SCHIP1: variants seen among roughly 807,000 people sequenced by gnomAD.
The protein encoded by SCHIP1 is schwannomin interacting protein 1.
SCHIP1 carries 8 observed loss-of-function variants against 29.7 expected under a neutral mutation model. That is an observed-to-expected ratio of 0.27 (90% CI 0.16 to 0.49). SCHIP1 has a LOEUF of 0.49. SCHIP1 is among the 20% of genes least tolerant of loss of function. The pLI is 0.99. For missense variants in SCHIP1, 193 were observed against 294.6 expected (o/e 0.66, Z 2.52); for synonymous variants, 76 against 94.9 (o/e 0.80, Z 1.16).
chr3:159,784,023 A>T, the SCHIP1 span, among the ~76,000 whole-genome samples: 15 of 152,318 alleles, frequency 9.8e-5, no homozygotes, highest in African/African-American at 3.1e-4. Flanking sequence ...AGGTCCAAGG[A>T]GGTTAGAGAA....
the SCHIP1 span, chr3:159,764,174 G>T: frequency 2.1e-4 from 87 of 423,126 alleles, no homozygotes; most frequent in Middle Eastern, 6.1e-4. This position sits in a 1 kb window ranked among gnomAD's most constrained non-coding sequence, Gnocchi z 6.1. Flanking sequence ...GGGGCCCCTT[G>T]TATGAAAAGT....
At chr3:159,796,540 G>C in the SCHIP1 span, among the ~76,000 whole-genome samples, 3 of 152,162 alleles carry the variant, frequency 2.0e-5, no homozygotes, top group Non-Finnish European at 4.4e-5. Context: ...AGCGTGACTG[G>C]AGCAATGACA....
At chr3:159,738,491 CTTG>C in the SCHIP1 span, among the ~76,000 whole-genome samples, 2 of 152,112 alleles carry the variant, frequency 1.3e-5, no homozygotes, top group Non-Finnish European at 2.9e-5. Flanking sequence ...CACTGTGGGA[CTTG>C]TTATTTTTAG....
At chr3:159,416,908 C>T in the SCHIP1 span, among the ~76,000 whole-genome samples, 3 of 152,162 alleles carry the variant, frequency 2.0e-5, no homozygotes, top group Admixed American at 6.5e-5. Context: ...TCTGTTGCTC[C>T]GTCAAGGGAA....
the SCHIP1 span, among the ~76,000 whole-genome samples, chr3:159,385,864 G>T: frequency 6.6e-6 from 1 of 151,768 alleles, no homozygotes; most frequent in Non-Finnish European, 1.5e-5. Context: ...TCCCCTGACA[G>T]GCCCCGGTGT....
At chr3:159,415,852 A>G in the SCHIP1 span, among the ~76,000 whole-genome samples, 1 of 152,220 alleles carries the variant, frequency 6.6e-6, no homozygotes, top group Non-Finnish European at 1.5e-5. Flanking sequence ...CAATATTGTT[A>G]TTACTAATTT....
At chr3:159,658,455 C>G in the SCHIP1 span, among the ~76,000 whole-genome samples, 1 of 152,136 alleles carries the variant, frequency 6.6e-6, no homozygotes, top group South Asian at 2.1e-4. Context: ...TATTAAAGTT[C>G]GAGAACCTGA....
the SCHIP1 span, among the ~76,000 whole-genome samples, chr3:159,515,930 T>C: frequency 1.3e-5 from 2 of 150,406 alleles, no homozygotes; most frequent in African/African-American, 4.9e-5. Context: ...GAAAAATACA[T>C]AGTATTTGTA....
the SCHIP1 span, chr3:159,274,007 A>T: frequency 2.6e-5 from 39 of 1,496,218 alleles, no homozygotes; most frequent in Non-Finnish European, 3.1e-5. Flanking sequence ...TTACATTTTT[A>T]AATTCAGAAT....
chr3:159,554,021 T>G, the SCHIP1 span, among the ~76,000 whole-genome samples: 2 of 74,044 alleles, frequency 2.7e-5, no homozygotes, highest in Non-Finnish European at 5.3e-5. Flanking sequence ...TGTGTGTGTT[T>G]GTGTATGTGT....
At chr3:159,454,939 A>G in the SCHIP1 span, among the ~76,000 whole-genome samples, 2 of 152,230 alleles carry the variant, frequency 1.3e-5, no homozygotes, top group Admixed American at 6.5e-5. Flanking sequence ...ATAGATCACT[A>G]TTTAGAAAAT....
chr3:159,594,150 T>G, the SCHIP1 span, among the ~76,000 whole-genome samples: 1 of 152,226 alleles, frequency 6.6e-6, no homozygotes. Flanking sequence ...TGTCAAAGTA[T>G]GGCTAGATCA....
At chr3:159,858,859 T>C (rs972828537) in intron 1 of SCHIP1, among the ~76,000 whole-genome samples, 1 of 152,156 alleles carries the variant, frequency 6.6e-6, no homozygotes, top group African/African-American at 2.4e-5. Flanking sequence ...GGCTGACACT[T>C]ATTTAAGGAA....
At chr3:159,838,261 C>T (rs1452685031), upstream of SCHIP1, among the ~76,000 whole-genome samples, 1 of 152,170 alleles carries the variant, frequency 6.6e-6, no homozygotes, top group East Asian at 1.9e-4. Flanking sequence ...TTTTCTCATT[C>T]CACAAAACAG....
chr3:159,616,434 C>T, the SCHIP1 span, among the ~76,000 whole-genome samples: 1 of 152,270 alleles, frequency 6.6e-6, no homozygotes, highest in African/African-American at 2.4e-5. Context: ...TCCCTTGCAT[C>T]CAACTGGGAA....
the SCHIP1 span, among the ~76,000 whole-genome samples, chr3:159,767,478 A>T: frequency 6.6e-6 from 1 of 152,216 alleles, no homozygotes; most frequent in African/African-American, 2.4e-5. Flanking sequence ...AGAACAAAGG[A>T]GCCGTGTGGA....
At chr3:159,429,329 G>A in the SCHIP1 span, among the ~76,000 whole-genome samples, 7 of 151,328 alleles carry the variant, frequency 4.6e-5, no homozygotes, top group Non-Finnish European at 1.0e-4. Context: ...CCCCTACTTC[G>A]TGCTATGAAG....
chr3:159,850,561 A>G (rs1160829263), intron 1 of SCHIP1, among the ~76,000 whole-genome samples: 1 of 151,742 alleles, frequency 6.6e-6, no homozygotes, highest in African/African-American at 2.4e-5. Context: ...AAAAAAAAAA[A>G]AAAAAGGAAA....
At chr3:159,475,596 A>G in the SCHIP1 span, among the ~76,000 whole-genome samples, 1 of 152,200 alleles carries the variant, frequency 6.6e-6, no homozygotes, top group African/African-American at 2.4e-5. Context: ...ATATTCCAAT[A>G]AAAGTAAAGG....
Sources: gnomAD v4.1 joint callset for allele counts (sites outside exome capture counted in the v4.1 genomes callset) on GRCh38, gnomAD v4.1.1 for gene constraint, Gnocchi (gnomAD v3.1) non-coding constraint, MANE v1.5 for transcripts, NCBI Gene and HGNC (gene_info 2026-07-23, HGNC 2026-07-21) for gene names.